MAD1L1: variants seen among roughly 807,000 people sequenced by gnomAD.
The protein encoded by MAD1L1 is mitotic arrest deficient 1 like 1.
Under a neutral mutation model 96.9 loss-of-function variants are expected in MAD1L1, and 95 were observed. That is an observed-to-expected ratio of 0.98 (90% CI 0.83 to 1.16). MAD1L1 has a LOEUF of 1.16. MAD1L1 is among the 50% of genes most tolerant of loss of function. The pLI is 0.00. For missense variants in MAD1L1, 1,007 were observed against 954.4 expected, an observed-to-expected ratio of 1.06 and a Z score of -0.73; for synonymous variants, 473 against 396.6, an observed-to-expected ratio of 1.19 and a Z score of -2.29.
intron 2 of MAD1L1, 78 bp from the exon 3 acceptor site, chr7:2,230,221 G>C (rs544943274): frequency 8.3e-7 from 1 of 1,199,390 alleles, no homozygotes; most frequent in Non-Finnish European, 1.2e-6. Context: ...AGAGCCTCTG[G>C]ACAGCCCCAC....
chr7:2,035,163 C>A (rs1783408657), intron 12 of MAD1L1, among the ~76,000 whole-genome samples: 2 of 152,282 alleles, frequency 1.3e-5, no homozygotes, highest in Admixed American at 1.3e-4. Context: ...GGCCACATGA[C>A]CCCACAGACA....
chr7:2,195,177 C>T (rs1001382027), intron 10 of MAD1L1, among the ~76,000 whole-genome samples: 1 of 152,098 alleles, frequency 6.6e-6, no homozygotes, highest in African/African-American at 2.4e-5. Context: ...TTATCTATGC[C>T]ACTTCAGCTA....
At chr7:1,917,980 T>C (rs1211612093) in intron 17 of MAD1L1, among the ~76,000 whole-genome samples, 3 of 152,074 alleles carry the variant, frequency 2.0e-5, no homozygotes, top group Non-Finnish European at 4.4e-5. Flanking sequence ...CCCAGCAGAC[T>C]AGATGTGGGG....
intron 18 of MAD1L1, chr7:1,874,672 C>T (rs1334297994): frequency 2.6e-6 from 1 of 384,716 alleles, no homozygotes; most frequent in African/African-American, 2.1e-5. Flanking sequence ...CAGCTCGCAG[C>T]ACACCACCTG....
At chr7:2,162,650 C>A (rs1190065940) in intron 10 of MAD1L1, among the ~76,000 whole-genome samples, 1 of 142,584 alleles carries the variant, frequency 7.0e-6, no homozygotes, top group African/African-American at 2.6e-5. Context: ...TAAAAAAAAT[C>A]CATTAAAAGA....
At position 1,825,144 on chromosome 7, in the gene MAD1L1, C is replaced by T. The variant is rs1237434428; in HGVS notation, c.1999-8916G>A. On this transcript the variant is annotated intron_variant, in intron 18 of 18. Transcript: ENST00000265854. ...TATATCTAAATTATATCTGCAAGAG[C>T]GGAACAGCTTCAAGACAGGCCGCTG... Among the ~76,000 whole-genome samples, 6 of 152,188 alleles carry T rather than the reference C, an allele frequency of 3.9e-5. No homozygotes were observed. The South Asian group carries it at 6.2e-4, about 16-fold the overall frequency.
At chr7:2,021,091 C>T (rs1032831915) in intron 12 of MAD1L1, among the ~76,000 whole-genome samples, 5 of 152,050 alleles carry the variant, frequency 3.3e-5, no homozygotes, top group African/African-American at 9.7e-5. Flanking sequence ...GTGGGATGAC[C>T]GTGAAGGTGG....
chr7:1,818,504 G>A (rs1313248017), intron 18 of MAD1L1, among the ~76,000 whole-genome samples: 1 of 152,026 alleles, frequency 6.6e-6, no homozygotes, highest in African/African-American at 2.4e-5. Context: ...TCAGCCTCCT[G>A]AGCAGTTGGA....
At chr7:2,064,468 A>G (rs1300486017) in intron 12 of MAD1L1, among the ~76,000 whole-genome samples, 1 of 152,220 alleles carries the variant, frequency 6.6e-6, no homozygotes, top group Non-Finnish European at 1.5e-5. Context: ...AGAGGCTGGG[A>G]TGGCTCAGGC....
chr7:1,844,788 G>A (rs2128635322), intron 18 of MAD1L1, among the ~76,000 whole-genome samples: 1 of 152,354 alleles, frequency 6.6e-6, no homozygotes, highest in South Asian at 2.1e-4. Flanking sequence ...GGGTGGAGGG[G>A]CGCGTGGGTA....
intron 15 of MAD1L1, among the ~76,000 whole-genome samples, chr7:1,976,825 C>T (rs1157697951): frequency 1.3e-5 from 2 of 152,044 alleles, no homozygotes; most frequent in Non-Finnish European, 2.9e-5. Flanking sequence ...GGTGAATTTA[C>T]GAACCTTGAG....
chr7:2,208,042 AAG>A (rs1792692643), intron 10 of MAD1L1, among the ~76,000 whole-genome samples: 1 of 152,110 alleles, frequency 6.6e-6, no homozygotes. Flanking sequence ...CAGAGGGGAA[AAG>A]AGTTCATTTT....
chr7:2,011,043 T>C lies in MAD1L1; in HGVS notation c.1359+3459A>G, dbSNP rs569750520. Among the ~76,000 whole-genome samples the C allele has an allele frequency of 4.0e-5, 6 of 149,524 alleles. No individual in the cohort carries two copies. The East Asian group carries it at 7.9e-4, about 20-fold the overall frequency. ...AAAGAAAAGAAAAACCGGGTGGAGG[T>C]AGCAGGGAGAGAGGGAGGCAGGGGG... is the stretch of plus-strand genomic sequence containing the variant. On this transcript the variant is annotated intron_variant, in intron 13 of 18. Coordinates refer to ENST00000265854, the MANE Select transcript of MAD1L1 (RefSeq NM_001013836.2).
intron 17 of MAD1L1, among the ~76,000 whole-genome samples, chr7:1,920,321 G>A (rs182070004): frequency 4.0e-4 from 61 of 152,294 alleles, no homozygotes; most frequent in African/African-American, 9.9e-4. Context: ...CAGTAAGCTC[G>A]CCCGGGGCTG....
intron 11 of MAD1L1, among the ~76,000 whole-genome samples, chr7:2,111,783 G>C (rs1451461241): frequency 6.6e-6 from 1 of 152,170 alleles, no homozygotes; most frequent in Non-Finnish European, 1.5e-5. Context: ...TGTGCGGAGT[G>C]GACCTGCACA....
chr7:2,144,170 G>C (rs1789178711), intron 11 of MAD1L1, among the ~76,000 whole-genome samples: 1 of 152,180 alleles, frequency 6.6e-6, no homozygotes, highest in Non-Finnish European at 1.5e-5. Context: ...GTTTAGCCCG[G>C]GGCTCAAGTT....
chr7:1,893,373 C>A (rs1786668892), intron 18 of MAD1L1, among the ~76,000 whole-genome samples: 1 of 152,240 alleles, frequency 6.6e-6, no homozygotes, highest in Non-Finnish European at 1.5e-5. Flanking sequence ...ACCCGCTTGA[C>A]TGGAAACGGC....
intron 11 of MAD1L1, among the ~76,000 whole-genome samples, chr7:2,118,451 A>G (rs1787821224): frequency 6.6e-6 from 1 of 152,224 alleles, no homozygotes; most frequent in Non-Finnish European, 1.5e-5. Context: ...GAGCCACGGG[A>G]GCTTGGCCGT....
intron 18 of MAD1L1, chr7:1,847,655 C>G (rs150970288): frequency 2.1e-6 from 1 of 470,890 alleles, no homozygotes; most frequent in African/African-American, 2.0e-5. Context: ...GCCCTCGGCC[C>G]ATCTCCCAAA....
Sources: gnomAD v4.1 joint callset for allele counts (sites outside exome capture counted in the v4.1 genomes callset) on GRCh38, gnomAD v4.1.1 for gene constraint, MANE v1.5 for transcripts, NCBI Gene and HGNC (gene_info 2026-07-23, HGNC 2026-07-21) for gene names.